ZPBP: variants seen among roughly 807,000 people sequenced by gnomAD.
ZPBP encodes the protein zona pellucida-binding protein 1.
ZPBP carries 26 observed loss-of-function variants against 44.8 expected under a neutral mutation model. The observed-to-expected ratio is 0.58, with a 90% CI of 0.43 to 0.81. The LOEUF (loss-of-function observed/expected upper bound fraction) is 0.81, where lower values mean the gene tolerates loss of function less well. Among genes scored for constraint, ZPBP ranks in the 30% least tolerant of loss-of-function variants. The probability of loss-of-function intolerance (pLI) is 0.00; values close to 1 mark genes in which losing one functional copy is unlikely to be tolerated. For synonymous variants in ZPBP, 174 were observed against 153.2 expected, an observed-to-expected ratio of 1.14 and a Z score of -1.00; for missense variants, 409 against 434.0, an observed-to-expected ratio of 0.94 and a Z score of 0.51.
In ZPBP at chr7:50,058,078, C is replaced by T; in HGVS notation, c.398G>A (p.Ser133Asn). 6.2e-7 allele frequency: 1 copy of T among 1,613,826 alleles called. No individual in the cohort carries two copies. Among genetic ancestry groups the T allele is most frequent in the South Asian group, 1.1e-5 (1 of 91,070 alleles). Residue 133 changes from serine to asparagine, a missense_variant, in exon 4 of 8, where the codon AGT (serine) becomes AAT (asparagine). Coordinates refer to ENST00000046087, the MANE Select transcript of ZPBP (RefSeq NM_007009.3). The stretch of plus-strand genomic sequence containing the variant: ...GAAACATGTATAAATTCCACTCATA[C>T]TCTCCTCAAAATTTTGGAATACAAG... ...GSLVFQNFEE[S>N]MSGIYTCFLE...
chr7:49,929,264 A>G (rs993498025), intron 1 of ZPBP, among the ~76,000 whole-genome samples: 6 of 152,240 alleles, frequency 3.9e-5, no homozygotes, highest in African/African-American at 1.4e-4. Context: ...GGATCACAGG[A>G]AGATGAACTG....
intron 7 of ZPBP, among the ~76,000 whole-genome samples, chr7:49,979,954 A>C (rs1443982544): frequency 9.0e-6 from 1 of 111,680 alleles, no homozygotes; most frequent in Non-Finnish European, 1.7e-5. Flanking sequence ...AATATATATT[A>C]ATATATTTAT....
chr7:49,879,959 A>G (rs1791598672), intron 2 of ZPBP, among the ~76,000 whole-genome samples: 2 of 152,138 alleles, frequency 1.3e-5, no homozygotes, highest in Admixed American at 6.6e-5. Flanking sequence ...AAGCAATTTC[A>G]TTCTTCTCTC....
At chr7:49,932,690 G>A (rs915734064), downstream of ZPBP, among the ~76,000 whole-genome samples, 1 of 152,128 alleles carries the variant, frequency 6.6e-6, no homozygotes, top group Admixed American at 6.5e-5. Flanking sequence ...GAAATGTGAG[G>A]ACATGAGATT....
At chr7:50,077,016 A>C (rs1235946592) in intron 3 of ZPBP, among the ~76,000 whole-genome samples, 1 of 151,980 alleles carries the variant, frequency 6.6e-6, no homozygotes, top group Non-Finnish European at 1.5e-5. Context: ...GAGCTATACT[A>C]ACCAAAACAA....
intron 4 of ZPBP, among the ~76,000 whole-genome samples, chr7:50,033,678 G>GTTTGTTTA (rs143206693): frequency 0.036 from 5,287 of 148,774 alleles, 210 homozygotes; most frequent in South Asian, 0.12. Context: ...TCTTTCTACA[G>GTTTGTTTA]TTTATTTATT....
chr7:49,864,079 G>T (rs1173137692), intron 2 of ZPBP, among the ~76,000 whole-genome samples: 1 of 152,060 alleles, frequency 6.6e-6, no homozygotes, highest in African/African-American at 2.4e-5. Flanking sequence ...TGTTTTTGTT[G>T]TTGTTGTTGT....
chr7:50,050,285 A>G (rs1042670185), intron 4 of ZPBP, among the ~76,000 whole-genome samples: 8 of 152,090 alleles, frequency 5.3e-5, no homozygotes, highest in African/African-American at 1.7e-4. Flanking sequence ...CAGACATTTA[A>G]ATAACAAAGA....
chr7:50,031,101 C>T lies in ZPBP; in HGVS notation c.697G>A (p.Ala233Thr). The change falls in exon 5 of 8, where the codon GCA becomes ACA. Residue 233 changes from alanine to threonine, a missense_variant. By Grantham distance (58) the Ala-to-Thr change is moderately conservative (BLOSUM62 0). Transcript: ENST00000046087. ...RAGLQNELFFAFSVSSLDTEK... is the reference protein window; with the variant it reads ...RAGLQNELFFTFSVSSLDTEK... ...AATTGTATAGACTTACCTGAAAATGCAAAGAACAATTCATTTTGCAAACCA... is the reference window on the plus strand; with the variant it reads ...AATTGTATAGACTTACCTGAAAATGTAAAGAACAATTCATTTTGCAAACCA... 1 of 1,613,294 alleles carries T rather than the reference C, an allele frequency of 6.2e-7. No homozygotes were observed. Among genetic ancestry groups the T allele is most frequent in the Non-Finnish European group, 8.5e-7 (1 of 1,179,706 alleles).
intron 5 of ZPBP, among the ~76,000 whole-genome samples, chr7:50,021,799 G>A (rs1799108409): frequency 6.6e-6 from 1 of 152,136 alleles, no homozygotes; most frequent in Admixed American, 6.6e-5. Flanking sequence ...AAGTGGGCAT[G>A]TAAGCTCCAG....
chr7:49,923,166 G>T (rs998396630), intron 1 of ZPBP, among the ~76,000 whole-genome samples: 3 of 152,054 alleles, frequency 2.0e-5, no homozygotes, highest in African/African-American at 7.2e-5. Context: ...AGGATAGGAT[G>T]GAACAGAAAA....
intron 5 of ZPBP, among the ~76,000 whole-genome samples, chr7:50,021,907 T>TA (rs1451282646): frequency 6.6e-6 from 1 of 152,106 alleles, no homozygotes; most frequent in Non-Finnish European, 1.5e-5. Context: ...AACCATTTTT[T>TA]AAAAAATCAA....
chr7:49,961,504 G>A (rs1272168450), intron 7 of ZPBP, among the ~76,000 whole-genome samples: 2 of 152,056 alleles, frequency 1.3e-5, no homozygotes, highest in African/African-American at 4.8e-5. Flanking sequence ...TACAGGGCAG[G>A]GGACTTTTCT....
At chr7:49,885,517 AT>A (rs1791864284) in intron 2 of ZPBP, among the ~76,000 whole-genome samples, 1 of 152,224 alleles carries the variant, frequency 6.6e-6, no homozygotes. Context: ...TCGTTATATA[AT>A]TAGGATTTTT....
chr7:50,066,517 T>C (rs767049333), intron 3 of ZPBP, among the ~76,000 whole-genome samples: 17 of 152,202 alleles, frequency 1.1e-4, no homozygotes, highest in Non-Finnish European at 2.2e-4. Flanking sequence ...CCTTTTAGTA[T>C]AGGCAGAAAT....
chr7:49,885,313 C>T (rs889414271), intron 2 of ZPBP, among the ~76,000 whole-genome samples: 12 of 151,846 alleles, frequency 7.9e-5, no homozygotes, highest in Non-Finnish European at 1.2e-4. Context: ...AATTTCATAA[C>T]GTTAGGATAA....
chr7:49,845,265 C>T, the ZPBP span, among the ~76,000 whole-genome samples: 4,522 of 150,886 alleles, frequency 0.03, 185 homozygotes, highest in South Asian at 0.12. Flanking sequence ...ATACACTGCA[C>T]ATGTACCCTG....
At chr7:49,997,786 G>A (rs753212912) in intron 6 of ZPBP, among the ~76,000 whole-genome samples, 3 of 152,178 alleles carry the variant, frequency 2.0e-5, no homozygotes, top group African/African-American at 4.8e-5. Context: ...GAAGCCACTT[G>A]TGCTGGCAAA....
chr7:49,981,452 CATATAATA>C (rs1298921072), intron 7 of ZPBP, among the ~76,000 whole-genome samples: 3 of 29,636 alleles, frequency 1.0e-4, no homozygotes, highest in African/African-American at 5.6e-4. Flanking sequence ...ATATTATGTA[CATATAATA>C]ATATATATAA....
Sources: gnomAD v4.1 joint callset for allele counts (sites outside exome capture counted in the v4.1 genomes callset) on GRCh38, gnomAD v4.1.1 for gene constraint, MANE v1.5 for transcripts, NCBI Gene and HGNC (gene_info 2026-07-23, HGNC 2026-07-21) for gene names.